Variants in DIAPH2 observed in about 807,000 individuals in gnomAD.
The protein encoded by DIAPH2 is protein diaphanous homolog 2.
DIAPH2 carries 35 observed loss-of-function variants against 92.7 expected under a neutral mutation model. The observed-to-expected ratio is 0.38, with a 90% CI of 0.29 to 0.50. DIAPH2 has a LOEUF of 0.50. DIAPH2 is among the 20% of genes least tolerant of loss of function. The pLI, the probability that DIAPH2 is intolerant of heterozygous loss-of-function variation, is 0.94. For synonymous variants in DIAPH2, 301 were observed against 280.4 expected (o/e 1.07, Z -0.73); for missense variants, 701 against 819.5 (o/e 0.86, Z 1.77).
chrX:96,939,484 G>GTGTGTGTATATATACATATATA (rs745521574), intron 12 of DIAPH2, 102 bp downstream of exon 12: 1 of 143,888 alleles, frequency 6.9e-6, no homozygotes, highest in African/African-American at 4.1e-5. Context: ...ATATGTGTGT[G>GTGTGTGTATATATACATATATA]TATGTATATA....
At chrX:97,089,349 T>A (rs2066806315) in intron 19 of DIAPH2, among the ~76,000 whole-genome samples, 1 of 111,308 alleles carries the variant, frequency 9.0e-6, no homozygotes, top group Non-Finnish European at 1.9e-5. Flanking sequence ...CCAAGTCTCC[T>A]CAGAAGAGCC....
At chrX:97,089,975 G>A (rs1012814341) in intron 19 of DIAPH2, among the ~76,000 whole-genome samples, 16 of 111,815 alleles carry the variant, frequency 1.4e-4, no homozygotes, top group African/African-American at 5.2e-4. Context: ...TGATCTGCCC[G>A]CTTCAGCCTC....
chrX:97,565,871 C>T (rs2071323467), intron 26 of DIAPH2, among the ~76,000 whole-genome samples: 1 of 112,163 alleles, frequency 8.9e-6, no homozygotes, highest in Non-Finnish European at 1.9e-5. Flanking sequence ...TACTCATTTG[C>T]ATACCACTAG....
chrX:97,451,360 G>A (rs1008544832), intron 26 of DIAPH2, among the ~76,000 whole-genome samples: 3 of 111,235 alleles, frequency 2.7e-5, no homozygotes, highest in African/African-American at 9.8e-5. Context: ...ACAGTCCAAC[G>A]CTGTGAGAAA....
intron 22 of DIAPH2, among the ~76,000 whole-genome samples, chrX:97,236,706 G>A (rs1489935918): frequency 2.8e-5 from 3 of 108,980 alleles, no homozygotes; most frequent in African/African-American, 1.0e-4. Flanking sequence ...AACCACGCCC[G>A]GCTAATTTTT....
At chrX:96,963,755 T>C (rs963629059) in intron 16 of DIAPH2, among the ~76,000 whole-genome samples, 9 of 111,676 alleles carry the variant, frequency 8.1e-5, no homozygotes, top group Non-Finnish European at 1.7e-4. Flanking sequence ...GTTGTGATTA[T>C]CTACTCTCTT....
intron 24 of DIAPH2, 95 bp from the exon 25 acceptor site, chrX:97,383,808 TTATATG>T (rs1043620034): frequency 4.7e-5 from 35 of 748,902 alleles, no homozygotes; most frequent in Non-Finnish European, 6.0e-5. Context: ...TTAACTTTGT[TTATATG>T]TATAGGAAGC....
At chrX:97,312,345 C>CATTTTTTTTTT (rs202046146) in intron 23 of DIAPH2, among the ~76,000 whole-genome samples, 2 of 54,945 alleles carry the variant, frequency 3.6e-5, no homozygotes, top group Non-Finnish European at 6.1e-5. Context: ...CAATAGAATC[C>CATTTTTTTTTT]TTTTTTTTTT....
chrX:96,804,068 C>G lies in DIAPH2; in HGVS notation c.447+45810C>G, dbSNP rs765065272. The stretch of plus-strand genomic sequence containing the variant: ...TTCTACTTATCTGTACCCTGCTTCT[C>G]TGTTGTCTGTGTCCTAGTATCTCAT... On this transcript the variant is annotated intron_variant, in intron 4 of 26. Transcript: ENST00000324765. Among the ~76,000 whole-genome samples the G allele has an allele frequency of 5.4e-5, 6 of 111,520 alleles. No homozygotes were observed. In the South Asian group the frequency reaches 2.3e-3, roughly 42 times the overall value.
In DIAPH2 at chrX:96,934,807, C is replaced by T. The variant is rs189986885; in HGVS notation, c.1090-2426C>T. Among the ~76,000 whole-genome samples the T allele has an allele frequency of 3.6e-5, 4 of 111,220 alleles. No individual in the cohort carries two copies. In the East Asian group the frequency reaches 1.1e-3, roughly 31 times the overall value. ...ACATTGATTTCTTCTGAAATTTTCC[C>T]CATTTGCCTTTTATTTAGTTAAATA... On this transcript the variant is annotated intron_variant, in intron 10 of 26. Coordinates refer to ENST00000324765, the MANE Select transcript of DIAPH2 (RefSeq NM_006729.5).
chrX:97,364,772 T>TTTTTTTTTTG (rs1569374507), intron 24 of DIAPH2, among the ~76,000 whole-genome samples: 2 of 106,430 alleles, frequency 1.9e-5, no homozygotes, highest in African/African-American at 6.9e-5. Context: ...TTTTTTTTTT[T>TTTTTTTTTTG]TTTTTTGGAT....
intron 26 of DIAPH2, among the ~76,000 whole-genome samples, chrX:97,551,793 AC>A (rs61192937): frequency 2.4e-3 from 271 of 110,857 alleles, no homozygotes; most frequent in African/African-American, 8.6e-3. Context: ...CTGGCTATTT[AC>A]ATATAACTTA....
intron 17 of DIAPH2, among the ~76,000 whole-genome samples, chrX:96,975,410 G>A (rs1052102514): frequency 6.3e-5 from 7 of 111,955 alleles, no homozygotes; most frequent in Non-Finnish European, 7.5e-5. Context: ...TGAGATGTCA[G>A]TCTCAGAGTG....
At chrX:97,575,330 G>T (rs1294283755) in intron 26 of DIAPH2, among the ~76,000 whole-genome samples, 1 of 112,595 alleles carries the variant, frequency 8.9e-6, no homozygotes, top group Non-Finnish European at 1.9e-5. Flanking sequence ...TTGGCTGGTA[G>T]AAGCATCACG....
chrX:97,302,525 C>CT (rs1237292054), intron 23 of DIAPH2, among the ~76,000 whole-genome samples: 1 of 109,650 alleles, frequency 9.1e-6, no homozygotes, highest in Non-Finnish European at 1.9e-5. Context: ...GAGCAAAACT[C>CT]TATCTCCAAA....
chrX:96,701,764 C>T (rs765552062), intron 1 of DIAPH2: 8 of 111,620 alleles, frequency 7.2e-5, no homozygotes, highest in South Asian at 3.7e-4. Context: ...TATGACTGAA[C>T]GTAGGTGATC....
intron 10 of DIAPH2, among the ~76,000 whole-genome samples, chrX:96,933,522 A>G (rs1489990725): frequency 4.8e-5 from 5 of 104,745 alleles, no homozygotes; most frequent in Admixed American, 2.1e-4. Context: ...GTATATATAT[A>G]TGTGTGTGTA....
intron 23 of DIAPH2, among the ~76,000 whole-genome samples, chrX:97,264,624 C>T (rs1486860659): frequency 8.9e-6 from 1 of 112,576 alleles, no homozygotes; most frequent in East Asian, 2.8e-4. Flanking sequence ...TCAAGGGCTA[C>T]ATTACTGTTG....
At chrX:96,723,582 T>C (rs2064001504) in intron 1 of DIAPH2, among the ~76,000 whole-genome samples, 1 of 112,062 alleles carries the variant, frequency 8.9e-6, no homozygotes, top group African/African-American at 3.2e-5. Context: ...ATTATAGATT[T>C]TTATAGGATT....
Sources: allele counts gnomAD v4.1 joint callset (sites outside exome capture counted in the v4.1 genomes callset), GRCh38; gene constraint gnomAD v4.1.1; transcripts MANE v1.5; gene names NCBI Gene and HGNC (gene_info 2026-07-23, HGNC 2026-07-21).